Variants in PRKG1 observed in about 807,000 individuals in gnomAD.
PRKG1 encodes protein kinase cGMP-dependent 1.
PRKG1 carries 35 observed loss-of-function variants against 88.1 expected under a neutral mutation model. The observed-to-expected ratio is 0.40, with a 90% CI of 0.30 to 0.53. The LOEUF (loss-of-function observed/expected upper bound fraction) is 0.53. Ranked by LOEUF, PRKG1 falls within the 20% of genes least tolerant of loss-of-function variation. The pLI is 0.59. For missense variants in PRKG1, 540 were observed against 839.8 expected (o/e 0.64, Z 4.41); for synonymous variants, 303 against 292.5 (o/e 1.04, Z -0.37).
rs371620207 is a variant in PRKG1, at chr10:51,033,203, C to T, written c.266+41559C>T. ...TACTCATAGGACATCTTCATTTGGA[C>T]GTGCTTCCCTCCTTCAAGTATGAAA... On this transcript the variant is annotated intron_variant, in intron 1 of 17. Coordinates refer to the PRKG1 transcript ENST00000401604. Among the ~76,000 whole-genome samples, 75 of 152,232 alleles carry T rather than the reference C, an allele frequency of 4.9e-4. 2 individuals carry two copies. The South Asian group carries it at 0.012, about 24-fold the overall frequency.
chr10:51,517,140 C>T (rs1841611619), intron 3 of PRKG1, among the ~76,000 whole-genome samples: 1 of 152,168 alleles, frequency 6.6e-6, no homozygotes, highest in South Asian at 2.1e-4. Context: ...TTTTACACAA[C>T]ACAGGAGACT....
chr10:51,011,864 T>C (rs754940723), intron 1 of PRKG1, among the ~76,000 whole-genome samples: 3 of 152,142 alleles, frequency 2.0e-5, no homozygotes, highest in Non-Finnish European at 2.9e-5. Flanking sequence ...GGGTAACTTA[T>C]AAGAAAAAGA....
intron 2 of PRKG1, among the ~76,000 whole-genome samples, chr10:51,394,903 TG>T (rs1355820399): frequency 4.6e-5 from 7 of 152,212 alleles, no homozygotes; most frequent in African/African-American, 1.4e-4. Context: ...CACACTTTTT[TG>T]ATATATATAC....
intron 2 of PRKG1, among the ~76,000 whole-genome samples, chr10:51,302,347 A>G (rs904638089): frequency 1.1e-4 from 16 of 152,190 alleles, no homozygotes; most frequent in African/African-American, 3.6e-4. Context: ...AATATTATTC[A>G]TTTTAGTAAT....
chr10:51,151,172 A>G (rs1311918143), intron 1 of PRKG1, among the ~76,000 whole-genome samples: 3 of 151,894 alleles, frequency 2.0e-5, no homozygotes, highest in Non-Finnish European at 4.4e-5. Flanking sequence ...GGAAAGAGAA[A>G]ACGTAATGCA....
chr10:51,746,018 T>C (rs1837568161), intron 3 of PRKG1, among the ~76,000 whole-genome samples: 1 of 152,144 alleles, frequency 6.6e-6, no homozygotes, highest in Non-Finnish European at 1.5e-5. Flanking sequence ...TAGTTTTTTG[T>C]TTGCTTTTTT....
At chr10:51,172,842 G>T (rs917467767) in intron 2 of PRKG1, among the ~76,000 whole-genome samples, 1 of 151,958 alleles carries the variant, frequency 6.6e-6, no homozygotes, top group Non-Finnish European at 1.5e-5. Context: ...CTAATACAAA[G>T]AATTAAATGA....
chr10:52,174,299 A>G (rs977553099), intron 9 of PRKG1, among the ~76,000 whole-genome samples: 1 of 151,936 alleles, frequency 6.6e-6, no homozygotes, highest in African/African-American at 2.4e-5. Flanking sequence ...AAAAAAGGCC[A>G]TTGAAGAAGT....
At chr10:52,054,161 T>C (rs942245124) in intron 5 of PRKG1, among the ~76,000 whole-genome samples, 6 of 152,130 alleles carry the variant, frequency 3.9e-5, no homozygotes, top group Non-Finnish European at 8.8e-5. Flanking sequence ...AAAAATGACA[T>C]TAAAAGCAGT....
At chr10:51,741,087 A>G (rs1387963631) in intron 3 of PRKG1, among the ~76,000 whole-genome samples, 3 of 152,004 alleles carry the variant, frequency 2.0e-5, no homozygotes, top group South Asian at 2.1e-4. Context: ...TCATTCTATT[A>G]TTTTTTAAAC....
intron 5 of PRKG1, among the ~76,000 whole-genome samples, chr10:51,993,196 G>A (rs971098632): frequency 1.3e-5 from 2 of 151,992 alleles, no homozygotes; most frequent in African/African-American, 4.8e-5. Context: ...GCACAATTTT[G>A]TAATTTTTAA....
intron 2 of PRKG1, among the ~76,000 whole-genome samples, chr10:51,241,767 G>T (rs1017159652): frequency 6.6e-6 from 1 of 152,120 alleles, no homozygotes. Flanking sequence ...GCAGAGAAAA[G>T]AATTATTTCT....
intron 2 of PRKG1, among the ~76,000 whole-genome samples, chr10:51,205,389 G>A (rs1838031139): frequency 6.7e-6 from 1 of 149,218 alleles, no homozygotes; most frequent in South Asian, 2.1e-4. Context: ...TGTCTGCCTC[G>A]GCCTCCCACA....
intron 5 of PRKG1, among the ~76,000 whole-genome samples, chr10:51,930,440 C>T (rs1049530954): frequency 2.0e-5 from 3 of 151,052 alleles, no homozygotes; most frequent in East Asian, 1.9e-4. Flanking sequence ...AAAAAGAATG[C>T]CTTCTATTCT....
At chr10:52,171,786 A>T (rs61697451) in intron 9 of PRKG1, among the ~76,000 whole-genome samples, 8,847 of 93,926 alleles carry the variant, frequency 0.094, 1,019 homozygotes, top group East Asian at 0.34. Context: ...TTTTATCAAA[A>T]TTTTTTTTTT....
intron 3 of PRKG1, among the ~76,000 whole-genome samples, chr10:51,578,386 T>A (rs55862651): frequency 0.36 from 55,429 of 151,984 alleles, 10,768 homozygotes; most frequent in Non-Finnish European, 0.45. Flanking sequence ...CATTTTTCCT[T>A]GTCATTTTCT....
chr10:52,154,223 A>T (rs1838023515), intron 8 of PRKG1, among the ~76,000 whole-genome samples: 1 of 152,178 alleles, frequency 6.6e-6, no homozygotes, highest in Admixed American at 6.5e-5. Context: ...ACTAATCTTA[A>T]AATAGCACAC....
At chr10:51,112,625 T>C (rs996752719) in intron 1 of PRKG1, among the ~76,000 whole-genome samples, 3 of 152,174 alleles carry the variant, frequency 2.0e-5, no homozygotes, top group Non-Finnish European at 2.9e-5. Flanking sequence ...GGATGTATTA[T>C]GGAAATAGAT....
At chr10:51,146,257 C>A (rs1172744107) in intron 1 of PRKG1, among the ~76,000 whole-genome samples, 1 of 150,070 alleles carries the variant, frequency 6.7e-6, no homozygotes, top group Non-Finnish European at 1.5e-5. Context: ...TATTTTTTGT[C>A]TTTTTGATAA....
Sources: gnomAD v4.1 joint callset for allele counts (sites outside exome capture counted in the v4.1 genomes callset) on GRCh38, gnomAD v4.1.1 for gene constraint, MANE v1.5 for transcripts, NCBI Gene and HGNC (gene_info 2026-07-23, HGNC 2026-07-21) for gene names.